Variants in AMMECR1L observed in about 807,000 individuals in gnomAD.
AMMECR1L encodes AMMECR1 like, also known as AMMECR1-like protein.
In AMMECR1L, 4 loss-of-function variants were observed where a neutral mutation model predicts 36.8. The observed-to-expected ratio is 0.11, with a 90% CI of 0.05 to 0.25. The LOEUF (loss-of-function observed/expected upper bound fraction) is 0.25, where lower values mean the gene tolerates loss of function less well. Ranked by LOEUF, AMMECR1L falls within the 10% of genes least tolerant of loss-of-function variation. The probability of loss-of-function intolerance (pLI) is 1.00; values close to 1 mark genes in which losing one functional copy is unlikely to be tolerated. For synonymous variants in AMMECR1L, 147 were observed against 148.0 expected, an observed-to-expected ratio of 0.99 and a Z score of 0.05; for missense variants, 232 against 392.1, an observed-to-expected ratio of 0.59 and a Z score of 3.45.
In AMMECR1L at chr2:127,871,484, G is replaced by A; in HGVS notation, c.408-125C>T. ...AAAATCCCTGTTTTTGGACTTGCCA[G>A]CTACCCGAAGGACTCTCTGCCTTTC... On this transcript the variant is annotated intron_variant, in intron 3 of 7. Coordinates refer to ENST00000272647, the MANE Select transcript of AMMECR1L (RefSeq NM_001199140.2). This position sits in a 1 kb window ranked among gnomAD's most constrained non-coding sequence, Gnocchi z 4.3. The A allele has an allele frequency of 1.1e-6, 1 of 920,702 alleles. No individual in the cohort carries two copies. The highest frequency in any genetic ancestry group is 2.2e-5 in the Admixed American group (1 of 45,244). The allele number at this position is 920,702 out of a possible 1,614,324, so 57.0% of individuals were successfully genotyped here.
At chr2:127,872,279 C>T (rs991974131) in intron 3 of AMMECR1L, among the ~76,000 whole-genome samples, 1 of 152,022 alleles carries the variant, frequency 6.6e-6, no homozygotes. Flanking sequence ...CTCAAGCGAT[C>T]CTCCCACCTC....
At chr2:127,870,695 C>T in intron 5 of AMMECR1L, 119 bp downstream of exon 5, 2 of 744,004 alleles carry the variant, frequency 2.7e-6, no homozygotes, top group South Asian at 2.3e-5. Flanking sequence ...ACAATTGGTT[C>T]CAAACTCAGC....
In AMMECR1L at chr2:127,865,010, G is replaced by T; in HGVS notation, c.*84C>A. 1 of 907,024 alleles carries T rather than the reference G, an allele frequency of 1.1e-6. No homozygotes were observed. The highest frequency in any genetic ancestry group is 1.6e-5 in the South Asian group (1 of 63,976). 56.2% of individuals were successfully genotyped at this position (907,024 alleles called of 1,614,324 possible). ...AATGGTGCAGTAATAGAAGTAACTG[G>T]ACCAGGAAGAGGAGGCATCTGCTCC... On this transcript the variant is annotated 3_prime_UTR_variant, in exon 8 of 8. Transcript: ENST00000272647. The surrounding 1 kb of genome is among the most constrained non-coding windows in gnomAD (Gnocchi z 5.4).
In AMMECR1L at chr2:127,864,344, C is replaced by A. The variant is rs759458598; in HGVS notation, c.*750G>T. The A allele has an allele frequency of 6.5e-5, 10 of 152,724 alleles. No individual in the cohort carries two copies. Among genetic ancestry groups the A allele is most frequent in the Non-Finnish European group, 1.0e-4 (7 of 68,082 alleles). 9.5% of individuals were successfully genotyped at this position (152,724 alleles called of 1,614,324 possible). ...GTGGGCATCTCCATTCCATTCCATT[C>A]CTCAGCAGGCTACATGACGGAGCTC... is the stretch of plus-strand genomic sequence containing the variant. On this transcript the variant is annotated 3_prime_UTR_variant, in exon 8 of 8. Transcript: ENST00000272647.
rs1691098894 is a variant in AMMECR1L at position 127,873,731 on chromosome 2, T to C, written c.407+97A>G. The C allele has an allele frequency of 1.3e-6, 2 of 1,590,256 alleles. 1 individual carries two copies. Among genetic ancestry groups the C allele is most frequent in the South Asian group, 2.3e-5 (2 of 87,736 alleles). ...TTCCCATTACCCTTTCCTCAAATGA[T>C]AATAAAGACTTCCAAGTAGCAGACC... On this transcript the variant is annotated intron_variant, in intron 3 of 7. Transcript: ENST00000272647. The surrounding 1 kb of genome is among the most constrained non-coding windows in gnomAD (Gnocchi z 5.2).
Position 127,871,672 on chromosome 2 carries a change from C to T in AMMECR1L, c.408-313G>A, listed in dbSNP as rs1369587318. Among the ~76,000 whole-genome samples, 1 of 152,104 alleles carries T rather than the reference C, an allele frequency of 6.6e-6. No individual in the cohort carries two copies. The highest frequency in any genetic ancestry group is 2.4e-5 in the African/African-American group (1 of 41,394). On this transcript the variant is annotated intron_variant, in intron 3 of 7. Transcript: ENST00000272647. This position sits in a 1 kb window ranked among gnomAD's most constrained non-coding sequence, Gnocchi z 4.3. ...TTCTCTGCCCAAGACTCAACTTTTCCTTCGAATTCTCCAGTTTCCTCTTCC... is the reference window on the plus strand; with the variant it reads ...TTCTCTGCCCAAGACTCAACTTTTCTTTCGAATTCTCCAGTTTCCTCTTCC...
Position 127,874,880 on chromosome 2 carries a change from GC to G in AMMECR1L, c.-38-609del, listed in dbSNP as rs1475787657. ...CTGTCTCTGCAGCTCTCCTCCTCCA[GC>G]CCCCTCATTCTCTTTGGTTCCCCTC... On this transcript the variant is annotated intron_variant, in intron 2 of 7. Transcript: ENST00000272647. This position sits in a 1 kb window ranked among gnomAD's most constrained non-coding sequence, Gnocchi z 5.2. Among the ~76,000 whole-genome samples, 1 of 152,080 alleles carries G rather than the reference GC, an allele frequency of 6.6e-6. No homozygotes were observed. Among genetic ancestry groups the G allele is most frequent in the Non-Finnish European group, 1.5e-5 (1 of 68,016 alleles).
At chr2:127,880,982 C>T (rs1051792547) in intron 2 of AMMECR1L, among the ~76,000 whole-genome samples, 4 of 152,130 alleles carry the variant, frequency 2.6e-5, no homozygotes, top group Non-Finnish European at 5.9e-5. Context: ...AATGGATAGC[C>T]ACTGTGGATA....
At chr2:127,879,371 C>T (rs1031320527) in intron 2 of AMMECR1L, among the ~76,000 whole-genome samples, 5 of 152,202 alleles carry the variant, frequency 3.3e-5, no homozygotes, top group African/African-American at 1.2e-4. Flanking sequence ...CTCCTCCCAA[C>T]TCTCTCCTGC....
At position 127,865,222 on chromosome 2, in the gene AMMECR1L, G is replaced by C. The variant is rs914232071; in HGVS notation, c.822-17C>G. Reference sequence around the variant, plus strand: ...CTTCGGTACCTGTATGAGGAAACAGGAAAGGGTATTAGGAACCCCAAACGC... The same window carrying C: ...CTTCGGTACCTGTATGAGGAAACAGCAAAGGGTATTAGGAACCCCAAACGC... On this transcript the variant is annotated splice_polypyrimidine_tract_variant and intron_variant, in intron 7 of 7. Transcript: ENST00000272647. The surrounding 1 kb of genome is among the most constrained non-coding windows in gnomAD (Gnocchi z 5.4). 1 of 1,594,566 alleles carries C rather than the reference G, an allele frequency of 6.3e-7. No homozygotes were observed. Among genetic ancestry groups the C allele is most frequent in the Admixed American group, 1.7e-5 (1 of 59,114 alleles).
intron 6 of AMMECR1L, among the ~76,000 whole-genome samples, chr2:127,867,986 C>T (rs1690773850): frequency 6.6e-6 from 1 of 152,224 alleles, no homozygotes; most frequent in Non-Finnish European, 1.5e-5. Flanking sequence ...GATCCTCCCA[C>T]CTCAGCCACC....
chr2:127,873,986 C>A lies in AMMECR1L; in HGVS notation c.249G>T (p.Ser83=). The A allele has an allele frequency of 6.2e-7, 1 of 1,614,220 alleles. No homozygotes were observed. The highest frequency in any genetic ancestry group is 1.6e-4 in the Middle Eastern group (1 of 6,062). ...NSPITRMNPA[S]GALSPLPRPN... is the part of the protein sequence containing the mutation. Reference sequence around the variant, plus strand: ...GCCGGGGAAGAGGGCTCAGCGCTCCCGATGCGGGATTCATTCGTGTGATGG... The same window carrying A: ...GCCGGGGAAGAGGGCTCAGCGCTCCAGATGCGGGATTCATTCGTGTGATGG... The change falls in exon 3 of 8, where the codon TCG becomes TCT. Residue 83 remains serine, a synonymous_variant. Coordinates refer to ENST00000272647, the MANE Select transcript of AMMECR1L (RefSeq NM_001199140.2). The surrounding 1 kb of genome is among the most constrained non-coding windows in gnomAD (Gnocchi z 5.2).
rs1691080666 is a variant in AMMECR1L, at chr2:127,873,436, G to A, written c.407+392C>T. 5.1e-6 allele frequency: 5 copies of A among 985,450 alleles called. No individual in the cohort carries two copies. The highest frequency in any genetic ancestry group is 6.0e-6 in the Non-Finnish European group (5 of 829,942). The allele number at this position is 985,450 out of a possible 1,614,324, so 61.0% of individuals were successfully genotyped here. On this transcript the variant is annotated intron_variant, in intron 3 of 7. Coordinates refer to ENST00000272647, the MANE Select transcript of AMMECR1L (RefSeq NM_001199140.2). This position sits in a 1 kb window ranked among gnomAD's most constrained non-coding sequence, Gnocchi z 5.2. ...AGATCCCAGTGAATGAGAGCTCCTA[G>A]TCTCCAGCCTGGCCCTCAGACTTCC...
At chr2:127,875,473 C>T (rs1437072956) in intron 2 of AMMECR1L, among the ~76,000 whole-genome samples, 3 of 152,132 alleles carry the variant, frequency 2.0e-5, no homozygotes, top group Admixed American at 2.0e-4. Flanking sequence ...ATATAATTAT[C>T]TTTTTAGGCA....
rs2104742115 is a variant in AMMECR1L at position 127,865,780 on chromosome 2, A to C, written c.822-575T>G. On this transcript the variant is annotated intron_variant, in intron 7 of 7. Coordinates refer to ENST00000272647, the MANE Select transcript of AMMECR1L (RefSeq NM_001199140.2). This position sits in a 1 kb window ranked among gnomAD's most constrained non-coding sequence, Gnocchi z 5.4. ...GAATATGCCATATCACAGGGTCGTCAGAACAGAATTCATAGCACTTTGGCT... is the reference window on the plus strand; with the variant it reads ...GAATATGCCATATCACAGGGTCGTCCGAACAGAATTCATAGCACTTTGGCT... Among the ~76,000 whole-genome samples, 1 of 152,404 alleles carries C rather than the reference A, an allele frequency of 6.6e-6. No individual in the cohort carries two copies. Among genetic ancestry groups the C allele is most frequent in the South Asian group, 2.1e-4 (1 of 4,834 alleles).
At chr2:127,868,478 CA>C (rs1203338504) in intron 6 of AMMECR1L, among the ~76,000 whole-genome samples, 1 of 152,168 alleles carries the variant, frequency 6.6e-6, no homozygotes, top group Non-Finnish European at 1.5e-5. Flanking sequence ...AATCGTTTTC[CA>C]TGTTTGCTCA....
rs1690609090 is a variant in AMMECR1L, at chr2:127,864,725, T to A, written c.*369A>T. The A allele has an allele frequency of 6.2e-6, 1 of 161,616 alleles. No individual in the cohort carries two copies. The highest frequency in any genetic ancestry group is 2.4e-5 in the African/African-American group (1 of 41,796). 10.0% of individuals were successfully genotyped at this position (161,616 alleles called of 1,614,324 possible). On this transcript the variant is annotated 3_prime_UTR_variant, in exon 8 of 8. Coordinates refer to ENST00000272647, the MANE Select transcript of AMMECR1L (RefSeq NM_001199140.2). ...TTCATCTGGGGAGGCTGCAGGGGTGTGTGTGGGTTCAACCTTCAGGGATCA... is the reference window on the plus strand; with the variant it reads ...TTCATCTGGGGAGGCTGCAGGGGTGAGTGTGGGTTCAACCTTCAGGGATCA...
In AMMECR1L at chr2:127,870,949, T is replaced by C. The variant is rs781019285; in HGVS notation, c.519-21A>G. ...GTGCACTGGAGGGGGACAGAAAACA[T>C]AGGTAAGGCTGCTCTGGAGTCAGGA... On this transcript the variant is annotated intron_variant, in intron 4 of 7. Transcript: ENST00000272647. 8.2e-6 allele frequency: 13 copies of C among 1,578,964 alleles called. No individual in the cohort carries two copies. In the Admixed American group the frequency reaches 8.7e-5, roughly 11 times the overall value.
chr2:127,879,315 G>A (rs1414481790), intron 2 of AMMECR1L, among the ~76,000 whole-genome samples: 1 of 152,182 alleles, frequency 6.6e-6, no homozygotes, highest in African/African-American at 2.4e-5. Flanking sequence ...AGTGATGACA[G>A]TGAGCGCCTT....
Sources: gnomAD v4.1 joint callset for allele counts (sites outside exome capture counted in the v4.1 genomes callset) on GRCh38, gnomAD v4.1.1 for gene constraint, Gnocchi (gnomAD v3.1) non-coding constraint, MANE v1.5 for transcripts, NCBI Gene and HGNC (gene_info 2026-07-23, HGNC 2026-07-21) for gene names.